Variants in ROBO2 observed in about 807,000 individuals in gnomAD.
ROBO2 encodes roundabout homolog 2.
In ROBO2, 53 loss-of-function variants were observed where a neutral mutation model predicts 160.8. That is an observed-to-expected ratio of 0.33 (90% confidence interval 0.26 to 0.41). The LOEUF (loss-of-function observed/expected upper bound fraction) is 0.41, where lower values mean the gene tolerates loss of function less well. ROBO2 is among the 10% of genes least tolerant of loss of function. The pLI, the probability that ROBO2 is intolerant of heterozygous loss-of-function variation, is 1.00. For synonymous variants in ROBO2, 664 were observed against 611.7 expected, an observed-to-expected ratio of 1.09 and a Z score of -1.26; for missense variants, 1,577 against 1,722.4, an observed-to-expected ratio of 0.92 and a Z score of 1.49.
intron 2 of ROBO2, among the ~76,000 whole-genome samples, chr3:76,110,974 A>G (rs1158960705): frequency 6.6e-6 from 1 of 151,932 alleles, no homozygotes; most frequent in Non-Finnish European, 1.5e-5. Flanking sequence ...GAGACTGTTG[A>G]TTTTTTCAAA....
At chr3:76,218,157 A>T (rs1241756436) in intron 2 of ROBO2, among the ~76,000 whole-genome samples, 2 of 152,204 alleles carry the variant, frequency 1.3e-5, no homozygotes, top group Admixed American at 6.5e-5. Flanking sequence ...CTGATGGGAC[A>T]TATCTCAAAA....
intron 2 of ROBO2, among the ~76,000 whole-genome samples, chr3:76,595,717 A>G (rs1463281646): frequency 6.6e-6 from 1 of 152,088 alleles, no homozygotes; most frequent in Non-Finnish European, 1.5e-5. Flanking sequence ...CTGCCTTCTT[A>G]TGAACATAAG....
intron 2 of ROBO2, among the ~76,000 whole-genome samples, chr3:76,231,462 A>G (rs764598652): frequency 5.9e-5 from 9 of 152,050 alleles, no homozygotes; most frequent in Non-Finnish European, 1.2e-4. Context: ...TTTTTGTTCT[A>G]CAAAAGCCAG....
At chr3:75,936,334 GT>G (rs1947780905) in intron 1 of ROBO2, among the ~76,000 whole-genome samples, 2 of 152,160 alleles carry the variant, frequency 1.3e-5, no homozygotes, top group African/African-American at 4.8e-5. Flanking sequence ...TATTAGAATT[GT>G]AATTATGCAG....
chr3:77,087,061 T>C (rs942258174), intron 1 of ROBO2, among the ~76,000 whole-genome samples: 1 of 152,088 alleles, frequency 6.6e-6, no homozygotes, highest in African/African-American at 2.4e-5. Flanking sequence ...TGACACTGGG[T>C]CTTTTGGCAT....
At chr3:77,020,570 G>A (rs756995850) in intron 2 of ROBO2, among the ~76,000 whole-genome samples, 35 of 152,170 alleles carry the variant, frequency 2.3e-4, no homozygotes, top group Non-Finnish European at 4.3e-4. Flanking sequence ...AATGCTGGAA[G>A]TGACCTAAAT....
chr3:76,097,532 C>T (rs966806858), intron 2 of ROBO2, among the ~76,000 whole-genome samples: 1 of 151,908 alleles, frequency 6.6e-6, no homozygotes, highest in African/African-American at 2.4e-5. Context: ...ATAGGCAAGA[C>T]TGTGCATGGC....
intron 2 of ROBO2, among the ~76,000 whole-genome samples, chr3:76,588,038 T>A (rs2086166884): frequency 2.0e-5 from 3 of 152,184 alleles, no homozygotes; most frequent in African/African-American, 7.2e-5. Flanking sequence ...TTTATAAAAT[T>A]AATGGGGTGT....
At chr3:76,163,657 T>C (rs2072722787) in intron 2 of ROBO2, among the ~76,000 whole-genome samples, 1 of 152,000 alleles carries the variant, frequency 6.6e-6, no homozygotes, top group Admixed American at 6.6e-5. Context: ...AAGAAATTAT[T>C]GTTTTTTTCA....
intron 19 of ROBO2, among the ~76,000 whole-genome samples, chr3:77,597,235 G>A (rs1198542011): frequency 6.6e-6 from 1 of 151,834 alleles, no homozygotes; most frequent in Non-Finnish European, 1.5e-5. Context: ...AGACAATTAA[G>A]TCAATATAAC....
chr3:77,463,456 C>T (rs992548450), intron 2 of ROBO2, among the ~76,000 whole-genome samples: 3 of 151,998 alleles, frequency 2.0e-5, no homozygotes, highest in East Asian at 1.9e-4. Flanking sequence ...AATCCCTACT[C>T]GCTTATTCAT....
intron 2 of ROBO2, among the ~76,000 whole-genome samples, chr3:77,421,747 T>A (rs762399101): frequency 1.2e-4 from 18 of 152,038 alleles, no homozygotes; most frequent in Non-Finnish European, 2.5e-4. Flanking sequence ...CAGATAGATA[T>A]AGAAAAATAA....
intron 5 of ROBO2, among the ~76,000 whole-genome samples, chr3:77,504,707 C>T (rs1383249190): frequency 6.6e-6 from 1 of 152,012 alleles, no homozygotes; most frequent in African/African-American, 2.4e-5. Flanking sequence ...AAAATAATCC[C>T]ATTCATTGAA....
intron 1 of ROBO2, among the ~76,000 whole-genome samples, chr3:75,907,614 T>C (rs1042681214): frequency 3.9e-5 from 6 of 152,168 alleles, no homozygotes; most frequent in Non-Finnish European, 8.8e-5. Context: ...TTGATACCTT[T>C]TTGGATTTCT....
At chr3:76,334,197 C>T (rs1165288929) in intron 2 of ROBO2, among the ~76,000 whole-genome samples, 2 of 152,100 alleles carry the variant, frequency 1.3e-5, no homozygotes, top group Non-Finnish European at 2.9e-5. Flanking sequence ...CCCATATCAT[C>T]ATTATTATCA....
chr3:77,322,110 C>T (rs1560529733), intron 2 of ROBO2, among the ~76,000 whole-genome samples: 2 of 152,104 alleles, frequency 1.3e-5, no homozygotes, highest in Non-Finnish European at 2.9e-5. Flanking sequence ...AATAAATAAT[C>T]AAATGAGAGA....
intron 2 of ROBO2, among the ~76,000 whole-genome samples, chr3:76,441,210 G>GT (rs1559949988): frequency 6.6e-6 from 1 of 152,148 alleles, no homozygotes; most frequent in African/African-American, 2.4e-5. Flanking sequence ...TTAAGACATG[G>GT]TTTTAATTAC....
At chr3:75,974,241 C>T (rs1409577836) in intron 2 of ROBO2, among the ~76,000 whole-genome samples, 1 of 151,518 alleles carries the variant, frequency 6.6e-6, no homozygotes, top group African/African-American at 2.4e-5. Context: ...AGAATAGGTT[C>T]AGGCATTTGG....
At chr3:76,694,012 A>G (rs1177792759) in intron 2 of ROBO2, among the ~76,000 whole-genome samples, 1 of 152,160 alleles carries the variant, frequency 6.6e-6, no homozygotes, top group African/African-American at 2.4e-5. Flanking sequence ...AAGGAGGATT[A>G]TGGAGAGCTC....
Sources: allele counts gnomAD v4.1 joint callset (sites outside exome capture counted in the v4.1 genomes callset), GRCh38; gene constraint gnomAD v4.1.1; transcripts MANE v1.5; gene names NCBI Gene and HGNC (gene_info 2026-07-23, HGNC 2026-07-21).